The following TMEM120B variants were observed in gnomAD, a reference collection of about 807,000 sequenced individuals.
The protein encoded by TMEM120B is transmembrane protein 120B.
A neutral mutation model predicts 55.5 loss-of-function variants in TMEM120B; 31 were observed. The observed-to-expected ratio is 0.56, with a 90% confidence interval of 0.42 to 0.75. The LOEUF is 0.75. Among genes scored for constraint, TMEM120B ranks in the 30% least tolerant of loss-of-function variants. The probability of loss-of-function intolerance (pLI) is 0.00; values close to 1 mark genes in which losing one functional copy is unlikely to be tolerated. For missense variants in TMEM120B, 399 were observed against 425.5 expected (o/e 0.94, Z 0.55); for synonymous variants, 203 against 176.3 (o/e 1.15, Z -1.20).
intron 6 of TMEM120B, among the ~76,000 whole-genome samples, chr12:121,765,464 A>C (rs747204344): frequency 6.6e-6 from 1 of 152,020 alleles, no homozygotes; most frequent in African/African-American, 2.4e-5. Context: ...TTTATGGCAT[A>C]TATGGTTCAA....
chr12:121,758,300 C>T, intron 5 of TMEM120B: 1 of 985,488 alleles, frequency 1.0e-6, no homozygotes, highest in Non-Finnish European at 1.2e-6. Flanking sequence ...TGATAATCCC[C>T]ACACAGCGGT....
Position 121,771,509 on chromosome 12 carries a change from G to C in TMEM120B, c.639G>C (p.Gln213His). Residue 213 changes from glutamine to histidine, a missense_variant, in exon 8 of 12, where the codon CAG becomes CAC. Coordinates refer to ENST00000449592, the MANE Select transcript of TMEM120B (RefSeq NM_001080825.2). The part of the protein sequence containing the change: ...MLTWPNGPIY[Q>H]KFRNQFLAFS... ...CCAGGCCTAATGGACCCATTTATCA[G>C]AAGTTTCGCAACCAGTTCTTAGCAT... 1 of 1,614,090 alleles carries C rather than the reference G, an allele frequency of 6.2e-7. No individual in the cohort carries two copies. The highest frequency in any genetic ancestry group is 8.5e-7 in the Non-Finnish European group (1 of 1,180,010).
intron 1 of TMEM120B, among the ~76,000 whole-genome samples, chr12:121,731,558 G>C (rs1292948385): frequency 6.6e-6 from 1 of 152,214 alleles, no homozygotes; most frequent in Non-Finnish European, 1.5e-5. Context: ...GTTACAGTCT[G>C]CTACAGTATT....
At chr12:121,736,329 T>G (rs1407034255) in intron 1 of TMEM120B, among the ~76,000 whole-genome samples, 2 of 127,552 alleles carry the variant, frequency 1.6e-5, no homozygotes, top group Non-Finnish European at 3.6e-5. Context: ...TGTTTGGTGT[T>G]TTTTTTTTTT....
intron 2 of TMEM120B, among the ~76,000 whole-genome samples, chr12:121,746,970 A>G (rs1873105753): frequency 6.6e-6 from 1 of 151,136 alleles, no homozygotes; most frequent in Non-Finnish European, 1.5e-5. Flanking sequence ...AAAAAAAAAG[A>G]AAAGAAAAGA....
chr12:121,762,581 C>T (rs2137298121), intron 6 of TMEM120B, among the ~76,000 whole-genome samples: 1 of 152,286 alleles, frequency 6.6e-6, no homozygotes, highest in Non-Finnish European at 1.5e-5. Context: ...GAGCCTCACA[C>T]CCACCCTGAT....
intron 5 of TMEM120B, among the ~76,000 whole-genome samples, chr12:121,753,626 C>T (rs1199321320): frequency 6.6e-6 from 1 of 151,530 alleles, no homozygotes; most frequent in Non-Finnish European, 1.5e-5. Flanking sequence ...TTGTACAACT[C>T]TGAATATACT....
Position 121,779,724 on chromosome 12 carries a change from G to C in TMEM120B, c.*4002G>C. Reference sequence around the variant, plus strand: ...CCCTGGAGGTCTCCTAGCACCACCTGGTGGGTTTGGGACTGGCTCTGAGGA... The same window carrying C: ...CCCTGGAGGTCTCCTAGCACCACCTCGTGGGTTTGGGACTGGCTCTGAGGA... On this transcript the variant is annotated 3_prime_UTR_variant, in exon 12 of 12. Coordinates refer to ENST00000449592, the MANE Select transcript of TMEM120B (RefSeq NM_001080825.2). 1 of 1,577,808 alleles carries C rather than the reference G, an allele frequency of 6.3e-7. No individual in the cohort carries two copies. Among genetic ancestry groups the C allele is most frequent in the South Asian group, 1.1e-5 (1 of 89,196 alleles).
chr12:121,717,617 G>A (rs1340489310), intron 1 of TMEM120B, among the ~76,000 whole-genome samples: 4 of 152,128 alleles, frequency 2.6e-5, no homozygotes, highest in Non-Finnish European at 5.9e-5. Context: ...GAGTACTCCT[G>A]TTAGCTTTTG....
intron 6 of TMEM120B, among the ~76,000 whole-genome samples, chr12:121,768,928 C>T (rs183111707): frequency 6.6e-6 from 1 of 152,150 alleles, no homozygotes; most frequent in Non-Finnish European, 1.5e-5. Flanking sequence ...GGTGGATCCC[C>T]TGAGGTCAGG....
chr12:121,748,509 A>G (rs1873174737), intron 3 of TMEM120B, 67 bp downstream of exon 3: 2 of 1,079,314 alleles, frequency 1.9e-6, no homozygotes, highest in Non-Finnish European at 2.7e-6. Flanking sequence ...GCTGGTCCAT[A>G]TAACTCTCGC....
rs759059615 is a variant in TMEM120B at position 121,779,569 on chromosome 12, C to T, written c.*3847C>T. The T allele has an allele frequency of 8.7e-6, 14 of 1,613,948 alleles. No homozygotes were observed. Among genetic ancestry groups the T allele is most frequent in the East Asian group, 2.2e-5 (1 of 44,900 alleles). ...TTCAGAGCGCTGAGAGCCACCTTGG[C>T]GGCCTCCCGGAAGACGTCCTCCACA... is the stretch of plus-strand genomic sequence containing the variant. On this transcript the variant is annotated 3_prime_UTR_variant, in exon 12 of 12. Coordinates refer to ENST00000449592, the MANE Select transcript of TMEM120B (RefSeq NM_001080825.2).
At chr12:121,766,344 T>C (rs1277424714) in intron 6 of TMEM120B, among the ~76,000 whole-genome samples, 1 of 152,146 alleles carries the variant, frequency 6.6e-6, no homozygotes, top group African/African-American at 2.4e-5. Context: ...AACCATCCCA[T>C]AGGGACTAAA....
intron 1 of TMEM120B, among the ~76,000 whole-genome samples, chr12:121,730,045 G>A (rs987153783): frequency 6.6e-6 from 1 of 152,042 alleles, no homozygotes; most frequent in African/African-American, 2.4e-5. Flanking sequence ...CAGATCATGA[G>A]GTCAGGAGAT....
intron 1 of TMEM120B, among the ~76,000 whole-genome samples, chr12:121,715,381 A>G (rs1894681715): frequency 6.6e-6 from 1 of 152,212 alleles, no homozygotes; most frequent in Admixed American, 6.6e-5. Context: ...GAGCTGTGCA[A>G]TTAATGCAAT....
At position 121,780,904 on chromosome 12, in the gene TMEM120B, C is replaced by T. The variant is rs1452972086; in HGVS notation, c.*5182C>T. 1 of 1,613,782 alleles carries T rather than the reference C, an allele frequency of 6.2e-7. No individual in the cohort carries two copies. Reference sequence around the variant, plus strand: ...TAGGTGATGGGCTCCAGCTGGGCGGCCCGGAGCTTCCGCAGCTGCTCCTTG... The same window carrying T: ...TAGGTGATGGGCTCCAGCTGGGCGGTCCGGAGCTTCCGCAGCTGCTCCTTG... On this transcript the variant is annotated 3_prime_UTR_variant, in exon 12 of 12. Transcript: ENST00000449592.
chr12:121,759,795 G>A lies in TMEM120B; in HGVS notation c.462-1854G>A, dbSNP rs554424647. Among the ~76,000 whole-genome samples, 20 of 152,150 alleles carry A rather than the reference G, an allele frequency of 1.3e-4. No homozygotes were observed. In the South Asian group the frequency reaches 3.5e-3, roughly 27 times the overall value. ...GTGAATCACTTGTGGTCAGGAGTTC[G>A]ATACCAGCCTGGCCAACATGGTGAA... On this transcript the variant is annotated intron_variant, in intron 5 of 11. Transcript: ENST00000449592.
At chr12:121,716,029 C>T (rs1055115815) in intron 1 of TMEM120B, among the ~76,000 whole-genome samples, 1 of 148,670 alleles carries the variant, frequency 6.7e-6, no homozygotes, top group East Asian at 1.9e-4. Flanking sequence ...TGCATTGGCT[C>T]ATACCTGTAA....
At chr12:121,771,088 GGAAA>G in intron 7 of TMEM120B, 116 bp downstream of exon 7, 1 of 1,142,750 alleles carries the variant, frequency 8.8e-7, no homozygotes, top group Non-Finnish European at 1.3e-6. Flanking sequence ...GGCCAACTTG[GGAAA>G]GAAAGTATGA....
Sources: allele counts gnomAD v4.1 joint callset (sites outside exome capture counted in the v4.1 genomes callset), GRCh38; gene constraint gnomAD v4.1.1; transcripts MANE v1.5; gene names NCBI Gene and HGNC (gene_info 2026-07-23, HGNC 2026-07-21).